The following CCDC158 variants were observed in gnomAD, a reference collection of about 807,000 sequenced individuals.
The protein encoded by CCDC158 is coiled-coil domain containing 158.
CCDC158 carries 116 observed loss-of-function variants against 138.6 expected under a neutral mutation model. The ratio of observed to expected loss-of-function variants is 0.84; its 90% confidence interval spans 0.72 to 0.98. The LOEUF (loss-of-function observed/expected upper bound fraction) is 0.98. CCDC158 is among the 50% of genes least tolerant of loss of function. The probability of loss-of-function intolerance (pLI) is 0.00; values close to 1 mark genes in which losing one functional copy is unlikely to be tolerated. For synonymous variants in CCDC158, 436 were observed against 442.4 expected, an observed-to-expected ratio of 0.99 and a Z score of 0.18; for missense variants, 1,265 against 1,306.1, an observed-to-expected ratio of 0.97 and a Z score of 0.48.
chr4:76,321,750 A>AAT (rs986135659), intron 24 of CCDC158, among the ~76,000 whole-genome samples: 6 of 145,520 alleles, frequency 4.1e-5, no homozygotes, highest in African/African-American at 1.3e-4. Context: ...TATATATGTA[A>AAT]ATATATATAT....
rs1491306869 is a variant in CCDC158, at chr4:76,366,636, CAA to C, written c.1830+656_1830+657del. 1.1e-3 allele frequency among the ~76,000 whole-genome samples: 167 copies of C among 148,020 alleles called. 2 individuals are homozygous for C. Among genetic ancestry groups the C allele is most frequent in the African/African-American group, 3.3e-3 (126 of 38,364 alleles). ...AGACACTGCTACATAAACACACACA[CAA>C]ACACACACACACACACACACGGCAA... On this transcript the variant is annotated intron_variant, in intron 12 of 24. Transcript: ENST00000682701.
At chr4:76,326,882 C>T (rs954462370) in intron 22 of CCDC158, among the ~76,000 whole-genome samples, 2 of 151,898 alleles carry the variant, frequency 1.3e-5, no homozygotes, top group African/African-American at 2.4e-5. Context: ...TTAAAAGAAG[C>T]TTTAAAGGCA....
chr4:76,318,945 T>C (rs1251685359), intron 24 of CCDC158, among the ~76,000 whole-genome samples: 16 of 150,606 alleles, frequency 1.1e-4, no homozygotes, highest in African/African-American at 3.2e-4. Context: ...CTGGCCAACA[T>C]GGTGAAACCC....
At chr4:76,346,468 T>G (rs1211745297) in intron 18 of CCDC158, among the ~76,000 whole-genome samples, 3 of 152,178 alleles carry the variant, frequency 2.0e-5, no homozygotes, top group African/African-American at 7.2e-5. Context: ...TCCCAACGCT[T>G]TGGGAGGCCA....
rs138374469 is a variant in CCDC158, at chr4:76,404,207, A to C, written c.-73-927T>G. ...AAGCTAGATATACCACCCTTCTTCC[A>C]TCCTTCCCACCCAACACCACTACCC... On this transcript the variant is annotated intron_variant, in intron 2 of 24. Transcript: ENST00000682701. Among the ~76,000 whole-genome samples the C allele has an allele frequency of 4.9e-4, 74 of 152,312 alleles. 1 individual carries two copies. The highest frequency in any genetic ancestry group is 1.6e-3 in the African/African-American group (66 of 41,570).
chr4:76,354,442 T>A (rs947356738), intron 15 of CCDC158, among the ~76,000 whole-genome samples: 2 of 152,186 alleles, frequency 1.3e-5, no homozygotes, highest in African/African-American at 4.8e-5. Flanking sequence ...TTACTTTGGT[T>A]GCACTTATTT....
intron 4 of CCDC158, among the ~76,000 whole-genome samples, chr4:76,394,307 A>G (rs1008394981): frequency 6.6e-6 from 1 of 152,170 alleles, no homozygotes; most frequent in Non-Finnish European, 1.5e-5. Context: ...ATAATAAAGA[A>G]TGACATACTG....
At chr4:76,406,327 G>A (rs531359881) in intron 2 of CCDC158, among the ~76,000 whole-genome samples, 1 of 152,244 alleles carries the variant, frequency 6.6e-6, no homozygotes, top group Non-Finnish European at 1.5e-5. Flanking sequence ...CTTGGATAAA[G>A]CATAAATCCA....
Position 76,344,996 on chromosome 4 carries a change from T to C in CCDC158, c.2664+6000A>G, listed in dbSNP as rs1475708007. 5.6e-6 allele frequency: 8 copies of C among 1,434,566 alleles called. No individual in the cohort carries two copies. In the South Asian group the frequency reaches 5.7e-5, roughly 10 times the overall value. The allele number at this position is 1,434,566 out of a possible 1,614,324, so 88.9% of individuals were successfully genotyped here. The stretch of plus-strand genomic sequence containing the variant: ...TACTGGAGTTAGGGAGGTAGATGAC[T>C]TCTTTGAGCAAGAGAAGAACTTCCT... On this transcript the variant is annotated intron_variant, in intron 18 of 24. Coordinates refer to ENST00000682701, the MANE Select transcript of CCDC158 (RefSeq NM_001394954.1).
Position 76,362,156 on chromosome 4 carries a change from T to C in CCDC158, c.1990A>G (p.Thr664Ala). The C allele has an allele frequency of 6.2e-7, 1 of 1,613,824 alleles. No individual in the cohort carries two copies. The highest frequency in any genetic ancestry group is 8.5e-7 in the Non-Finnish European group (1 of 1,179,932). The change falls in exon 13 of 25, where the codon ACA becomes GCA. Residue 664 changes from threonine (T) to alanine (A), a missense_variant. By Grantham distance (58) the Thr-to-Ala change is moderately conservative. Coordinates refer to ENST00000682701, the MANE Select transcript of CCDC158 (RefSeq NM_001394954.1). ...AGATTGTTTAATTCACTCCTACTTGTTTTCACCTCATTTAATAATTGATCT... is the reference window on the plus strand; with the variant it reads ...AGATTGTTTAATTCACTCCTACTTGCTTTCACCTCATTTAATAATTGATCT... ...ERDQLLNEVKTSRSELNNLSE... is the reference protein window; with the variant it reads ...ERDQLLNEVKASRSELNNLSE...
At chr4:76,387,145 T>C (rs1726873217) in intron 4 of CCDC158, among the ~76,000 whole-genome samples, 1 of 152,088 alleles carries the variant, frequency 6.6e-6, no homozygotes, top group Non-Finnish European at 1.5e-5. Context: ...ACGGTGTAGC[T>C]TGCAACAACA....
At position 76,396,389 on chromosome 4, in the gene CCDC158, TTTA is replaced by T. The variant is rs1182539244; in HGVS notation, c.165_167del (p.Lys56del). ...TAGGAGAATCAAGTTCCACTTCATA[TTTA>T]GGGAAAAAAGGAACCTGTGTCAAAG... On this transcript the variant is annotated inframe_deletion, in exon 4 of 25. Coordinates refer to ENST00000682701, the MANE Select transcript of CCDC158 (RefSeq NM_001394954.1). 1 of 1,613,920 alleles carries T rather than the reference TTTA, an allele frequency of 6.2e-7. No individual in the cohort carries two copies.
At chr4:76,414,264 A>G (rs1729519110) in intron 1 of CCDC158, 1 of 152,164 alleles carries the variant, frequency 6.6e-6, no homozygotes, top group South Asian at 2.1e-4. Flanking sequence ...AATTCACCTT[A>G]TCCCAAATCT....
chr4:76,323,519 T>C, intron 23 of CCDC158, 110 bp from the exon 24 acceptor site: 2 of 732,226 alleles, frequency 2.7e-6, no homozygotes, highest in Non-Finnish European at 4.4e-6. Context: ...GGGAACTTTT[T>C]TTCATGACAA....
At chr4:76,404,749 G>T (rs1308872565) in intron 2 of CCDC158, among the ~76,000 whole-genome samples, 1 of 152,158 alleles carries the variant, frequency 6.6e-6, no homozygotes, top group East Asian at 1.9e-4. Context: ...TGAGAGCTGG[G>T]TGTGGTGGCT....
chr4:76,337,418 A>G (rs957018539), intron 18 of CCDC158, among the ~76,000 whole-genome samples: 4 of 152,236 alleles, frequency 2.6e-5, no homozygotes, highest in African/African-American at 9.6e-5. Context: ...TAAAATGAGC[A>G]AAATACACTT....
At chr4:76,346,390 T>C (rs562450075) in intron 18 of CCDC158, among the ~76,000 whole-genome samples, 11 of 152,118 alleles carry the variant, frequency 7.2e-5, no homozygotes, top group African/African-American at 2.7e-4. Context: ...ACAAATGGGA[T>C]CTAATTAAAC....
chr4:76,315,803 A>G (rs1719327669), intron 24 of CCDC158, among the ~76,000 whole-genome samples: 1 of 152,210 alleles, frequency 6.6e-6, no homozygotes, highest in South Asian at 2.1e-4. Context: ...CACTCTTTGC[A>G]GAAATTTCCC....
chr4:76,378,750 C>T (rs944045100), intron 9 of CCDC158, among the ~76,000 whole-genome samples: 2 of 151,732 alleles, frequency 1.3e-5, no homozygotes, highest in Admixed American at 6.6e-5. Flanking sequence ...TTCTCTTTAG[C>T]TATGGAAAGT....
Sources: allele counts gnomAD v4.1 joint callset (sites outside exome capture counted in the v4.1 genomes callset), GRCh38; gene constraint gnomAD v4.1.1; transcripts MANE v1.5; gene names NCBI Gene and HGNC (gene_info 2026-07-23, HGNC 2026-07-21).